Variants in SUGP1 observed in about 807,000 individuals in gnomAD.
The protein encoded by SUGP1 is SURP and G-patch domain-containing protein 1.
In SUGP1, 34 loss-of-function variants were observed where a neutral mutation model predicts 76.5. The ratio of observed to expected loss-of-function variants is 0.44; its 90% CI spans 0.34 to 0.59. SUGP1 has a LOEUF of 0.59. Ranked by LOEUF, SUGP1 falls within the 20% of genes least tolerant of loss-of-function variation. The pLI, the probability that SUGP1 is intolerant of heterozygous loss-of-function variation, is 0.01. For synonymous variants in SUGP1, 326 were observed against 326.2 expected (o/e 1.00, Z 0.01); for missense variants, 752 against 851.7 (o/e 0.88, Z 1.46).
At chr19:19,288,422 A>T (rs1417207463) in intron 8 of SUGP1, among the ~76,000 whole-genome samples, 1 of 152,222 alleles carries the variant, frequency 6.6e-6, no homozygotes, top group Non-Finnish European at 1.5e-5. Context: ...ACATATAAAA[A>T]GCATGTTAAT....
rs1421413507 is a variant in SUGP1 at position 19,303,380 on chromosome 19, T to C, written c.731A>G (p.Glu244Gly). 1.2e-6 allele frequency: 2 copies of C among 1,614,160 alleles called. No homozygotes were observed. The highest frequency in any genetic ancestry group is 1.7e-5 in the Admixed American group (1 of 60,000). The change falls in exon 6 of 14, where the codon GAA (glutamate) becomes GGA (glycine). Residue 244 changes from glutamate to glycine, a missense_variant. Coordinates refer to ENST00000247001, the MANE Select transcript of SUGP1 (RefSeq NM_172231.4). ...YRKKVAEIRK[E>G]AQKSQAASQK... ...AGAGGCTGCCTGCGACTTCTGTGCT[T>C]CCTTTCTTATCTCAGCCACCTTCTT...
At chr19:19,304,980 G>A (rs1036668156) in intron 4 of SUGP1, among the ~76,000 whole-genome samples, 1 of 152,152 alleles carries the variant, frequency 6.6e-6, no homozygotes, top group Non-Finnish European at 1.5e-5. Flanking sequence ...GGGTCATAAT[G>A]GGCTTCAAGG....
chr19:19,315,472 T>A (rs1379025376), intron 2 of SUGP1, among the ~76,000 whole-genome samples: 1 of 152,166 alleles, frequency 6.6e-6, no homozygotes, highest in African/African-American at 2.4e-5. Flanking sequence ...GTCACCCTCA[T>A]CACAACATCA....
At chr19:19,311,979 T>A (rs1327766555) in intron 2 of SUGP1, among the ~76,000 whole-genome samples, 1 of 150,636 alleles carries the variant, frequency 6.6e-6, no homozygotes, top group Non-Finnish European at 1.5e-5. Flanking sequence ...TCATGTTTCT[T>A]AAAACAAAAA....
At chr19:19,301,087 A>G (rs1344993555) in intron 7 of SUGP1, among the ~76,000 whole-genome samples, 1 of 152,180 alleles carries the variant, frequency 6.6e-6, no homozygotes, top group African/African-American at 2.4e-5. Context: ...GAAAGACATG[A>G]TGACTTGGAG....
intron 1 of SUGP1, among the ~76,000 whole-genome samples, 162 bp from the exon 2 acceptor site, chr19:19,316,755 T>A (rs1467305228): frequency 6.6e-6 from 1 of 152,120 alleles, no homozygotes; most frequent in Non-Finnish European, 1.5e-5. Context: ...TACCATACCC[T>A]GTACTTACTA....
rs1166042569 is a variant in SUGP1, at chr19:19,302,388, A to T, written c.764T>A (p.Val255Asp). The T allele has an allele frequency of 6.2e-7, 1 of 1,613,782 alleles. No individual in the cohort carries two copies. Among genetic ancestry groups the T allele is most frequent in the Non-Finnish European group, 8.5e-7 (1 of 1,179,856 alleles). Residue 255 changes from valine to aspartate, a missense_variant and splice_region_variant, in exon 7 of 14, where the codon GTT (valine) becomes GAT (aspartate). Val to Asp is a radical substitution (Grantham distance 152, BLOSUM62 -3). Around this residue, in one of 2 missense-constraint regions of SUGP1, gnomAD observed 620 missense variants for 617.3 expected, o/e 1.00. Transcript: ENST00000247001. The part of the protein sequence containing the change: ...AQKSQAASQK[V>D]SPPEDEEVKN... ...GACCTCTTCGTCCTCTGGGGGTGAA[A>T]CTTTAAGCAGGCTGTCAGTACTGGG...
At chr19:19,277,918 G>T in intron 11 of SUGP1, 39 bp from the exon 12 acceptor site, 1 of 1,606,866 alleles carries the variant, frequency 6.2e-7, no homozygotes. Context: ...ACCAGGGCTG[G>T]GGCTGTGGTG....
In SUGP1 at chr19:19,279,362, T is replaced by C; in HGVS notation, c.1379A>G (p.Gln460Arg). The C allele has an allele frequency of 1.2e-6, 2 of 1,608,732 alleles. No homozygotes were observed. The change falls in exon 10 of 14, where the codon CAG becomes CGG. Residue 460 changes from glutamine (Q) to arginine (R), a missense_variant. By Grantham distance (43) the Gln-to-Arg change is conservative. Around this residue, in one of 2 missense-constraint regions of SUGP1, gnomAD observed 620 missense variants for 617.3 expected, o/e 1.00. Coordinates refer to ENST00000247001, the MANE Select transcript of SUGP1 (RefSeq NM_172231.4). The stretch of plus-strand genomic sequence containing the variant: ...CATGTCCTGCATGGCCCGCTTGTGC[T>C]GCATGATCATGTCGTACATCTGCTG... ...EMQQMYDMIM[Q>R]HKRAMQDMQL...
intron 8 of SUGP1, chr19:19,281,025 T>C (rs1316539459): frequency 2.0e-5 from 3 of 152,232 alleles, no homozygotes; most frequent in African/African-American, 7.2e-5. Flanking sequence ...CACTCGGGCT[T>C]TGCCGCTAAG....
intron 8 of SUGP1, among the ~76,000 whole-genome samples, chr19:19,289,157 C>T (rs1479356028): frequency 2.6e-5 from 4 of 152,086 alleles, no homozygotes; most frequent in Non-Finnish European, 5.9e-5. Flanking sequence ...CTGTATACCC[C>T]GTTGCTCCCA....
chr19:19,303,632 C>G (rs1403845091), intron 5 of SUGP1, 92 bp downstream of exon 5: 2 of 1,510,800 alleles, frequency 1.3e-6, no homozygotes, highest in African/African-American at 2.7e-5. Flanking sequence ...GAACAGCATC[C>G]GGCCCACACT....
At chr19:19,305,732 G>T in intron 4 of SUGP1, 117 bp downstream of exon 4, 1 of 1,011,310 alleles carries the variant, frequency 9.9e-7, no homozygotes, top group Non-Finnish European at 1.4e-6. Context: ...AGGTCTGGTG[G>T]CTGCAACTCA....
intron 8 of SUGP1, among the ~76,000 whole-genome samples, chr19:19,289,826 A>T (rs1025730084): frequency 3.3e-5 from 5 of 152,222 alleles, no homozygotes; most frequent in Non-Finnish European, 5.9e-5. Context: ...AGCAGAACTC[A>T]TGGAGGTTCC....
In SUGP1 at chr19:19,320,452, G is replaced by A. The variant is rs2061436405; in HGVS notation, c.34+11C>T. 6.2e-7 allele frequency: 1 copy of A among 1,608,934 alleles called. No individual in the cohort carries two copies. Among genetic ancestry groups the A allele is most frequent in the Non-Finnish European group, 8.5e-7 (1 of 1,177,942 alleles). On this transcript the variant is annotated intron_variant, in intron 1 of 13. Transcript: ENST00000247001. ...CCAGGCGGCCGCCTGAGAGGAGGCG[G>A]GGGCTGTTACCTGCAACATCCCGGT...
chr19:19,284,430 G>A (rs574072565), intron 8 of SUGP1, among the ~76,000 whole-genome samples: 1 of 151,120 alleles, frequency 6.6e-6, no homozygotes, highest in South Asian at 2.1e-4. Flanking sequence ...ACTATTTCAA[G>A]ATAAATGAAT....
At chr19:19,296,846 G>A in intron 8 of SUGP1, 143 bp downstream of exon 8, 2 of 687,528 alleles carry the variant, frequency 2.9e-6, no homozygotes, top group Non-Finnish European at 2.3e-6. Context: ...GCCAAATGTG[G>A]TATGTACACA....
At chr19:19,305,520 A>C in intron 4 of SUGP1, 1 of 220,910 alleles carries the variant, frequency 4.5e-6, no homozygotes, top group Non-Finnish European at 9.0e-6. Flanking sequence ...TCCTCCTAGA[A>C]GGGATGTGAG....
intron 8 of SUGP1, among the ~76,000 whole-genome samples, chr19:19,286,139 G>GA (rs1185521619): frequency 6.6e-6 from 1 of 152,208 alleles, no homozygotes; most frequent in Non-Finnish European, 1.5e-5. Context: ...GTTTGCTCCT[G>GA]AAATCAGGAA....
Sources: allele counts gnomAD v4.1 joint callset (sites outside exome capture counted in the v4.1 genomes callset), GRCh38; gene constraint gnomAD v4.1.1; regional missense constraint gnomAD v4.1.1; transcripts MANE v1.5; gene names NCBI Gene and HGNC (gene_info 2026-07-23, HGNC 2026-07-21).